Variants in SCFD1 observed in about 807,000 individuals in gnomAD.
The protein encoded by SCFD1 is sec1 family domain containing 1.
A neutral mutation model predicts 103.2 loss-of-function variants in SCFD1; 37 were observed. That is an observed-to-expected ratio of 0.36 (90% CI 0.28 to 0.47). The LOEUF (loss-of-function observed/expected upper bound fraction) is 0.47. SCFD1 is among the 20% of genes least tolerant of loss of function. The pLI is 1.00. For missense variants in SCFD1, 639 were observed against 761.2 expected, an observed-to-expected ratio of 0.84 and a Z score of 1.89; for synonymous variants, 264 against 245.0, an observed-to-expected ratio of 1.08 and a Z score of -0.73.
At chr14:30,725,521 T>G (rs890085806) in intron 23 of SCFD1, among the ~76,000 whole-genome samples, 28 of 152,318 alleles carry the variant, frequency 1.8e-4, no homozygotes, top group Admixed American at 1.8e-3. Context: ...TAGTGATTTT[T>G]GCACATTGAT....
chr14:30,717,892 GA>G (rs796227869), intron 20 of SCFD1, among the ~76,000 whole-genome samples: 6,381 of 86,544 alleles, frequency 0.074, 149 homozygotes, highest in Middle Eastern at 0.11. Context: ...TCAAAAAAAA[GA>G]AAAAAAAAAA....
intron 15 of SCFD1, among the ~76,000 whole-genome samples, chr14:30,698,956 A>G (rs1000312499): frequency 3.3e-5 from 5 of 152,236 alleles, no homozygotes; most frequent in African/African-American, 1.2e-4. Flanking sequence ...TTCATGGGAC[A>G]GATCTCAATA....
chr14:30,652,925 C>T (rs1272613938), intron 9 of SCFD1, among the ~76,000 whole-genome samples: 1 of 152,050 alleles, frequency 6.6e-6, no homozygotes, highest in African/African-American at 2.4e-5. Flanking sequence ...GGGAGGATTA[C>T]TTGAGCCTGG....
chr14:30,639,989 C>T, intron 6 of SCFD1, 125 bp downstream of exon 6: 1 of 1,123,952 alleles, frequency 8.9e-7, no homozygotes, highest in Non-Finnish European at 1.2e-6. Flanking sequence ...GCTATAGAAG[C>T]TTTTTAAAAG....
intron 11 of SCFD1, among the ~76,000 whole-genome samples, chr14:30,671,056 A>G (rs944300507): frequency 1.3e-5 from 2 of 152,166 alleles, no homozygotes; most frequent in African/African-American, 2.4e-5. Context: ...TTCATCAACA[A>G]TTATGAAAAT....
At chr14:30,695,009 G>C in intron 15 of SCFD1, 140 bp downstream of exon 15, 1 of 1,427,992 alleles carries the variant, frequency 7.0e-7, no homozygotes, top group East Asian at 2.9e-5. Flanking sequence ...GCTATTTTCT[G>C]GTAAAATTTT....
In SCFD1 at chr14:30,694,760, T is replaced by C; in HGVS notation, c.1243-13T>C. On this transcript the variant is annotated splice_polypyrimidine_tract_variant and intron_variant, in intron 14 of 24. Coordinates refer to ENST00000458591, the MANE Select transcript of SCFD1 (RefSeq NM_016106.4). ...ACTTAATATATTCTCATCTAATGTT[T>C]ATTTTGAAACAGGCAAGAAAATTGG... The C allele has an allele frequency of 6.3e-7, 1 of 1,574,868 alleles. No individual in the cohort carries two copies. Among genetic ancestry groups the C allele is most frequent in the Non-Finnish European group, 8.6e-7 (1 of 1,168,512 alleles).
At chr14:30,697,186 T>G (rs1423167267) in intron 15 of SCFD1, among the ~76,000 whole-genome samples, 1 of 152,130 alleles carries the variant, frequency 6.6e-6, no homozygotes, top group Non-Finnish European at 1.5e-5. Flanking sequence ...TAGGACTCCT[T>G]GGAGAGGTAG....
rs779705122 is a variant in SCFD1 at position 30,719,421 on chromosome 14, C to T, written c.1736+44C>T. On this transcript the variant is annotated intron_variant, in intron 21 of 24. Coordinates refer to ENST00000458591, the MANE Select transcript of SCFD1 (RefSeq NM_016106.4). ...GTTTAACTTGTGGATTTTTTCCCCT[C>T]GAGAATGGAAATAATTTTTTTATTA... 1.5e-5 allele frequency: 21 copies of T among 1,421,790 alleles called. No homozygotes were observed. In the Middle Eastern group the frequency reaches 1.1e-3, roughly 72 times the overall value. 88.1% of individuals were successfully genotyped at this position (1,421,790 alleles called of 1,614,324 possible).
chr14:30,700,795 T>G (rs1836664651), intron 16 of SCFD1, among the ~76,000 whole-genome samples: 1 of 152,256 alleles, frequency 6.6e-6, no homozygotes, highest in African/African-American at 2.4e-5. Context: ...TGACTACTTT[T>G]AAGTTGTTGG....
chr14:30,682,073 G>A (rs1031955042), intron 14 of SCFD1, among the ~76,000 whole-genome samples: 1 of 152,114 alleles, frequency 6.6e-6, no homozygotes, highest in Non-Finnish European at 1.5e-5. Context: ...CTTTTGATAG[G>A]AGTTAGATAA....
At chr14:30,646,013 G>GT (rs1278219419) in intron 7 of SCFD1, among the ~76,000 whole-genome samples, 3 of 151,686 alleles carry the variant, frequency 2.0e-5, no homozygotes, top group Non-Finnish European at 4.4e-5. Flanking sequence ...TTTGTTGAGG[G>GT]TTTTTTTGTG....
rs1166002350 is a variant in SCFD1, at chr14:30,649,531, C to A, written c.617C>A (p.Ala206Asp). The change falls in exon 8 of 25, where the codon GCT becomes GAT. Residue 206 changes from alanine (A) to aspartate (D), a missense_variant. Transcript: ENST00000458591. ...SLFCFFVTLG[A>D]VPIIRCSRGT... Reference sequence around the variant, plus strand: ...CTAACATTTATTGTTAAAATAGGTGCTGTTCCTATAATCAGATGTTCAAGA... The same window carrying A: ...CTAACATTTATTGTTAAAATAGGTGATGTTCCTATAATCAGATGTTCAAGA... 1.3e-6 allele frequency: 2 copies of A among 1,577,250 alleles called. No individual in the cohort carries two copies. Among genetic ancestry groups the A allele is most frequent in the Non-Finnish European group, 1.7e-6 (2 of 1,165,810 alleles).
chr14:30,627,983 A>G (rs1224659325), intron 1 of SCFD1, among the ~76,000 whole-genome samples: 1 of 152,084 alleles, frequency 6.6e-6, no homozygotes, highest in African/African-American at 2.4e-5. Context: ...TCATCTGTGG[A>G]CAGATGCTTA....
intron 14 of SCFD1, chr14:30,676,650 A>G (rs1889057689): frequency 6.6e-6 from 1 of 152,234 alleles, no homozygotes; most frequent in Non-Finnish European, 1.5e-5. Flanking sequence ...TTGAGAACCT[A>G]GAAAAAGACA....
chr14:30,643,259 A>G, intron 6 of SCFD1, 57 bp from the exon 7 acceptor site: 1 of 1,026,588 alleles, frequency 9.7e-7, no homozygotes, highest in Non-Finnish European at 1.5e-6. Flanking sequence ...TAGGAGTTTT[A>G]GAAAGATGAG....
intron 10 of SCFD1, among the ~76,000 whole-genome samples, chr14:30,657,270 C>T (rs1333801815): frequency 1.3e-5 from 2 of 151,970 alleles, no homozygotes; most frequent in African/African-American, 4.8e-5. Flanking sequence ...CAAATAATTG[C>T]AACATAAAAA....
chr14:30,674,498 A>G (rs1888847459), intron 13 of SCFD1, among the ~76,000 whole-genome samples: 1 of 152,030 alleles, frequency 6.6e-6, no homozygotes, highest in Non-Finnish European at 1.5e-5. Flanking sequence ...AAATAAATAA[A>G]TTAGCTGAGA....
intron 9 of SCFD1, among the ~76,000 whole-genome samples, 176 bp from the exon 10 acceptor site, chr14:30,653,313 A>C (rs1886578930): frequency 6.6e-6 from 1 of 152,218 alleles, no homozygotes; most frequent in Admixed American, 6.5e-5. Context: ...CAAAAAGCAA[A>C]GTATTGTGGT....
Sources: gnomAD v4.1 joint callset for allele counts (sites outside exome capture counted in the v4.1 genomes callset) on GRCh38, gnomAD v4.1.1 for gene constraint, MANE v1.5 for transcripts, NCBI Gene and HGNC (gene_info 2026-07-23, HGNC 2026-07-21) for gene names.